Variants in DNM3 observed in about 807,000 individuals in gnomAD.
The protein encoded by DNM3 is dynamin-3.
A neutral mutation model predicts 101.6 loss-of-function variants in DNM3; 47 were observed. The observed-to-expected ratio is 0.46, with a 90% CI of 0.37 to 0.59. The LOEUF is 0.59. DNM3 is among the 20% of genes least tolerant of loss of function. The pLI is 0.00. For synonymous variants in DNM3, 385 were observed against 387.9 expected, an observed-to-expected ratio of 0.99 and a Z score of 0.09; for missense variants, 849 against 1,085.7, an observed-to-expected ratio of 0.78 and a Z score of 3.06.
intron 14 of DNM3, among the ~76,000 whole-genome samples, chr1:172,213,630 C>T (rs937988144): frequency 1.3e-5 from 2 of 150,162 alleles, no homozygotes; most frequent in Non-Finnish European, 3.0e-5. Context: ...GGAGTTTGAA[C>T]CAGACTGGCC....
chr1:172,400,013 G>A lies in DNM3; in HGVS notation c.2523-7759G>A, dbSNP rs538467438. 9.5e-4 allele frequency: 144 copies of A among 152,156 alleles called. 1 individual carries two copies. The highest frequency in any genetic ancestry group is 3.4e-3 in the African/African-American group (142 of 41,504). The allele number at this position is 152,156 out of a possible 1,614,324, so 9.4% of individuals were successfully genotyped here. ...CCAAGTCACATCCCCATGCTTGAAA[G>A]GTTCTTGCTCCCTCTCAGAAAGGGA... On this transcript the variant is annotated intron_variant, in intron 20 of 20. Coordinates refer to ENST00000627582, the MANE Select transcript of DNM3 (RefSeq NM_015569.5).
chr1:171,865,712 G>A (rs1299483936), intron 1 of DNM3, among the ~76,000 whole-genome samples: 1 of 152,038 alleles, frequency 6.6e-6, no homozygotes, highest in Non-Finnish European at 1.5e-5. Flanking sequence ...TTATCTTCGA[G>A]GATTAAGAAA....
chr1:171,964,194 G>A (rs182824920), intron 2 of DNM3, among the ~76,000 whole-genome samples: 1 of 152,266 alleles, frequency 6.6e-6, no homozygotes, highest in Admixed American at 6.5e-5. Flanking sequence ...AAAGAATGCT[G>A]TTCCCTTTCC....
chr1:171,978,939 ATGTC>A (rs140323306), intron 2 of DNM3, among the ~76,000 whole-genome samples: 3,271 of 152,250 alleles, frequency 0.021, 99 homozygotes, highest in African/African-American at 0.075. Flanking sequence ...GGAGAGGTGA[ATGTC>A]TGAGATGTGA....
At chr1:171,968,562 A>G (rs1201492225) in intron 2 of DNM3, among the ~76,000 whole-genome samples, 1 of 152,164 alleles carries the variant, frequency 6.6e-6, no homozygotes, top group Non-Finnish European at 1.5e-5. Context: ...AAATTTGGCT[A>G]TTATCTCTCT....
At chr1:172,276,742 C>A (rs1336474114) in intron 15 of DNM3, among the ~76,000 whole-genome samples, 1 of 151,810 alleles carries the variant, frequency 6.6e-6, no homozygotes, top group Non-Finnish European at 1.5e-5. Context: ...AAATGGGGAA[C>A]CTCACTTCCA....
At chr1:171,919,975 G>A (rs769864287) in intron 1 of DNM3, among the ~76,000 whole-genome samples, 10 of 151,968 alleles carry the variant, frequency 6.6e-5, no homozygotes, top group African/African-American at 1.5e-4. Flanking sequence ...TATTTCAGTC[G>A]CATTTTCAAA....
intron 2 of DNM3, among the ~76,000 whole-genome samples, chr1:171,944,116 A>G (rs1383206366): frequency 6.6e-6 from 1 of 152,182 alleles, no homozygotes; most frequent in African/African-American, 2.4e-5. Flanking sequence ...GCAGCCACAG[A>G]CAATATATAA....
intron 13 of DNM3, among the ~76,000 whole-genome samples, chr1:172,100,560 A>G (rs925052754): frequency 6.6e-6 from 1 of 152,218 alleles, no homozygotes; most frequent in Non-Finnish European, 1.5e-5. Context: ...TTCTCCGCTC[A>G]GCTAATTCCA....
At chr1:172,294,482 G>A (rs2064063116) in intron 15 of DNM3, among the ~76,000 whole-genome samples, 1 of 152,100 alleles carries the variant, frequency 6.6e-6, no homozygotes, top group South Asian at 2.1e-4. Flanking sequence ...CCCAGATTAT[G>A]CCACTTATTA....
intron 2 of DNM3, among the ~76,000 whole-genome samples, chr1:171,955,381 A>G (rs1306737208): frequency 1.3e-5 from 2 of 152,188 alleles, no homozygotes; most frequent in Non-Finnish European, 2.9e-5. Flanking sequence ...AACAATGATA[A>G]ATCAACTCAC....
At chr1:172,140,384 G>T (rs1238804706) in intron 14 of DNM3, 1 of 151,744 alleles carries the variant, frequency 6.6e-6, no homozygotes, top group African/African-American at 2.4e-5. Flanking sequence ...TAATTACAAG[G>T]TTAGAGTATG....
chr1:172,403,787 T>C (rs1233992259), intron 20 of DNM3, among the ~76,000 whole-genome samples: 2 of 152,180 alleles, frequency 1.3e-5, no homozygotes, highest in Admixed American at 1.3e-4. Context: ...CATTTCAATA[T>C]AATGCCTTAC....
chr1:172,157,846 A>G (rs2058398550), intron 14 of DNM3, among the ~76,000 whole-genome samples: 1 of 152,002 alleles, frequency 6.6e-6, no homozygotes, highest in Non-Finnish European at 1.5e-5. Context: ...CATCCATGGT[A>G]GGTCCTGGAA....
intron 2 of DNM3, among the ~76,000 whole-genome samples, chr1:171,978,995 A>T (rs1251250288): frequency 6.6e-6 from 1 of 152,154 alleles, no homozygotes; most frequent in Non-Finnish European, 1.5e-5. Flanking sequence ...CAATGAGATT[A>T]GATGAGATCA....
At chr1:172,150,473 T>C (rs564552644) in intron 14 of DNM3, among the ~76,000 whole-genome samples, 6 of 152,182 alleles carry the variant, frequency 3.9e-5, no homozygotes, top group Non-Finnish European at 7.4e-5. Flanking sequence ...TAACATATAC[T>C]GTTTTCTGAA....
At chr1:171,953,631 A>AT (rs1410581474) in intron 2 of DNM3, among the ~76,000 whole-genome samples, 1 of 151,314 alleles carries the variant, frequency 6.6e-6, no homozygotes. Flanking sequence ...GTTTCACCAT[A>AT]TTGGCCAGGC....
intron 2 of DNM3, among the ~76,000 whole-genome samples, chr1:171,922,549 C>T (rs565146148): frequency 1.3e-5 from 2 of 152,296 alleles, no homozygotes; most frequent in East Asian, 1.9e-4. Flanking sequence ...ATACAGTTTA[C>T]ATACCATACA....
intron 17 of DNM3, among the ~76,000 whole-genome samples, chr1:172,330,987 C>T (rs1393157037): frequency 1.3e-5 from 2 of 152,136 alleles, no homozygotes; most frequent in Non-Finnish European, 2.9e-5. Context: ...TTTCCGTTTA[C>T]TCTGCCTGTG....
Sources: allele counts gnomAD v4.1 joint callset (sites outside exome capture counted in the v4.1 genomes callset), GRCh38; gene constraint gnomAD v4.1.1; transcripts MANE v1.5; gene names NCBI Gene and HGNC (gene_info 2026-07-23, HGNC 2026-07-21).